ST8SIA6: variants seen among roughly 807,000 people sequenced by gnomAD.
ST8SIA6 encodes ST8 alpha-N-acetyl-neuraminide alpha-2,8-sialyltransferase 6.
Under a neutral mutation model 33.6 loss-of-function variants are expected in ST8SIA6, and 39 were observed. The observed-to-expected ratio is 1.16, with a 90% confidence interval of 0.90 to 1.52. The LOEUF (loss-of-function observed/expected upper bound fraction) is 1.52. ST8SIA6 is among the 40% of genes most tolerant of loss of function. The probability of loss-of-function intolerance (pLI) is 0.00; values close to 1 mark genes in which losing one functional copy is unlikely to be tolerated. For synonymous variants in ST8SIA6, 172 were observed against 167.2 expected, an observed-to-expected ratio of 1.03 and a Z score of -0.22; for missense variants, 441 against 443.8, an observed-to-expected ratio of 0.99 and a Z score of 0.06.
At chr10:17,449,232 A>T (rs1044397719) in intron 2 of ST8SIA6, among the ~76,000 whole-genome samples, 2 of 152,056 alleles carry the variant, frequency 1.3e-5, no homozygotes, top group African/African-American at 2.4e-5. Context: ...GAAAAAATAG[A>T]ATATTTTAAA....
rs1258546227 is a variant in ST8SIA6 at position 17,413,087 on chromosome 10, A to G, written c.201-22467T>C. Reference sequence around the variant, plus strand: ...AGGAGAATTTGAGATCAGTGTTTACACAGTGCTAGCATTTTGTTATCTAAA... The same window carrying G: ...AGGAGAATTTGAGATCAGTGTTTACGCAGTGCTAGCATTTTGTTATCTAAA... On this transcript the variant is annotated intron_variant, in intron 2 of 7. Coordinates refer to ENST00000377602, the MANE Select transcript of ST8SIA6 (RefSeq NM_001004470.3). Among the ~76,000 whole-genome samples the G allele has an allele frequency of 2.0e-5, 3 of 152,190 alleles. No individual in the cohort carries two copies. In the East Asian group the frequency reaches 5.8e-4, roughly 29 times the overall value.
At chr10:17,329,172 T>C (rs929524605) in intron 5 of ST8SIA6, among the ~76,000 whole-genome samples, 1 of 152,178 alleles carries the variant, frequency 6.6e-6, no homozygotes, top group East Asian at 1.9e-4. Flanking sequence ...AATGTAAAAG[T>C]CATATTGCAC....
chr10:17,390,968 C>T (rs954320606), intron 2 of ST8SIA6, among the ~76,000 whole-genome samples: 3 of 151,842 alleles, frequency 2.0e-5, no homozygotes, highest in Non-Finnish European at 4.4e-5. Context: ...AAGCGATTCT[C>T]CTGCCTCAGC....
At chr10:17,415,455 T>C (rs530350680) in intron 2 of ST8SIA6, among the ~76,000 whole-genome samples, 70 of 152,260 alleles carry the variant, frequency 4.6e-4, no homozygotes, top group African/African-American at 1.6e-3. Flanking sequence ...GGAGTCCAGA[T>C]GGGCTTTGTC....
At chr10:17,394,430 C>A (rs1345906896) in intron 2 of ST8SIA6, among the ~76,000 whole-genome samples, 1 of 151,194 alleles carries the variant, frequency 6.6e-6, no homozygotes, top group Non-Finnish European at 1.5e-5. Context: ...AAACACCTGA[C>A]AAGCAGAAGT....
rs1847938567 is a variant in ST8SIA6 at position 17,321,281 on chromosome 10, A to C, written c.794T>G (p.Phe265Cys). The change falls in exon 8 of 8, where the codon TTT (phenylalanine) becomes TGT (cysteine). Residue 265 changes from phenylalanine (F) to cysteine (C), a missense_variant. Transcript: ENST00000377602. ...LEDIATYGDA[F>C]FLLPAFSFRA... ...GAAGGAAAATGCTGGCAGAAGAAAAAATGCATCTCCATAGGTTGCAATGTC... is the reference window on the plus strand; with the variant it reads ...GAAGGAAAATGCTGGCAGAAGAAAACATGCATCTCCATAGGTTGCAATGTC... 6.2e-6 allele frequency: 10 copies of C among 1,613,904 alleles called. No homozygotes were observed. Among genetic ancestry groups the C allele is most frequent in the Non-Finnish European group, 8.5e-6 (10 of 1,179,956 alleles).
Position 17,321,096 on chromosome 10 carries a change from T to C in ST8SIA6, c.979A>G (p.Ile327Val). ...TAYRLSTGLMITSVAVELCKN... is the reference protein window; with the variant it reads ...TAYRLSTGLMVTSVAVELCKN... Reference sequence around the variant, plus strand: ...CACAGTTCCACTGCAACACTTGTGATCATCAAGCCGGTGGACAAGCGGTAT... The same window carrying C: ...CACAGTTCCACTGCAACACTTGTGACCATCAAGCCGGTGGACAAGCGGTAT... Residue 327 changes from isoleucine (I) to valine (V), a missense_variant, in exon 8 of 8, where the codon ATC (isoleucine) becomes GTC (valine). Coordinates refer to ENST00000377602, the MANE Select transcript of ST8SIA6 (RefSeq NM_001004470.3). The C allele has an allele frequency of 6.2e-7, 1 of 1,614,144 alleles. No individual in the cohort carries two copies. The highest frequency in any genetic ancestry group is 8.5e-7 in the Non-Finnish European group (1 of 1,180,002).
chr10:17,359,411 G>A (rs1588836964), intron 4 of ST8SIA6, 103 bp downstream of exon 4: 1 of 803,714 alleles, frequency 1.2e-6, no homozygotes, highest in East Asian at 2.9e-5. Flanking sequence ...TTGCCAGCTG[G>A]GGTTGGTTCT....
intron 5 of ST8SIA6, among the ~76,000 whole-genome samples, chr10:17,331,051 T>C (rs1486861035): frequency 6.6e-6 from 1 of 152,208 alleles, no homozygotes; most frequent in African/African-American, 2.4e-5. Flanking sequence ...TGGGAAGGAA[T>C]TGATTTAGTC....
intron 2 of ST8SIA6, among the ~76,000 whole-genome samples, chr10:17,447,798 T>G (rs1316587686): frequency 6.6e-6 from 1 of 152,050 alleles, no homozygotes; most frequent in Non-Finnish European, 1.5e-5. Flanking sequence ...TAGATTAATT[T>G]AACTAATATT....
At chr10:17,372,318 CT>C (rs1282560791) in intron 3 of ST8SIA6, among the ~76,000 whole-genome samples, 1 of 152,202 alleles carries the variant, frequency 6.6e-6, no homozygotes, top group African/African-American at 2.4e-5. Context: ...AGCTGGATCA[CT>C]TTTGAATAGC....
chr10:17,420,563 T>TG (rs369868251), intron 2 of ST8SIA6, among the ~76,000 whole-genome samples: 13 of 152,342 alleles, frequency 8.5e-5, no homozygotes, highest in African/African-American at 2.4e-4. Flanking sequence ...GCATATCTCC[T>TG]GGGGCTGATT....
At chr10:17,360,302 T>G (rs1210026631) in intron 3 of ST8SIA6, among the ~76,000 whole-genome samples, 1 of 152,156 alleles carries the variant, frequency 6.6e-6, no homozygotes, top group African/African-American at 2.4e-5. Flanking sequence ...AATTAGTAAC[T>G]TATTCATTAG....
intron 2 of ST8SIA6, among the ~76,000 whole-genome samples, chr10:17,393,195 G>T (rs1850682666): frequency 6.6e-6 from 1 of 152,166 alleles, no homozygotes; most frequent in Non-Finnish European, 1.5e-5. Flanking sequence ...TGGCCCCATG[G>T]TTTCCATCAA....
intron 2 of ST8SIA6, among the ~76,000 whole-genome samples, chr10:17,422,227 A>C (rs558666170): frequency 1.3e-5 from 2 of 152,290 alleles, no homozygotes; most frequent in African/African-American, 4.8e-5. Flanking sequence ...CTTTAGGGAA[A>C]AGCTTACATT....
At chr10:17,389,669 TG>T (rs911655096) in intron 3 of ST8SIA6, among the ~76,000 whole-genome samples, 1 of 152,118 alleles carries the variant, frequency 6.6e-6, no homozygotes, top group Non-Finnish European at 1.5e-5. Context: ...CAGCTGAGAC[TG>T]GGGGGTAAAT....
intron 4 of ST8SIA6, among the ~76,000 whole-genome samples, chr10:17,343,275 A>G (rs184106702): frequency 3.5e-4 from 53 of 152,324 alleles, no homozygotes; most frequent in Non-Finnish European, 1.3e-4. Flanking sequence ...TCAGCAAGAT[A>G]GAGGGAATCT....
intron 5 of ST8SIA6, among the ~76,000 whole-genome samples, chr10:17,327,645 T>C (rs1275746463): frequency 6.6e-6 from 1 of 151,952 alleles, no homozygotes; most frequent in Non-Finnish European, 1.5e-5. Flanking sequence ...GGCTCACATC[T>C]GTAATCCCAG....
At chr10:17,341,222 A>G (rs1386166616) in intron 4 of ST8SIA6, among the ~76,000 whole-genome samples, 2 of 152,174 alleles carry the variant, frequency 1.3e-5, no homozygotes, top group Non-Finnish European at 2.9e-5. Context: ...CAACTCTATA[A>G]TGTTCAAAAC....
Sources: gnomAD v4.1 joint callset for allele counts (sites outside exome capture counted in the v4.1 genomes callset) on GRCh38, gnomAD v4.1.1 for gene constraint, MANE v1.5 for transcripts, NCBI Gene and HGNC (gene_info 2026-07-23, HGNC 2026-07-21) for gene names.